MYO1E: variants seen among roughly 807,000 people sequenced by gnomAD.
MYO1E encodes unconventional myosin-Ie.
MYO1E carries 68 observed loss-of-function variants against 151.1 expected under a neutral mutation model. The ratio of observed to expected loss-of-function variants is 0.45; its 90% CI spans 0.37 to 0.55. The LOEUF (loss-of-function observed/expected upper bound fraction) is 0.55, where lower values mean the gene tolerates loss of function less well. MYO1E is among the 20% of genes least tolerant of loss of function. The pLI is 0.00. For synonymous variants in MYO1E, 601 were observed against 501.7 expected (o/e 1.20, Z -2.64); for missense variants, 1,363 against 1,389.3 (o/e 0.98, Z 0.30).
intron 1 of MYO1E, among the ~76,000 whole-genome samples, chr15:59,277,025 A>ATCTTCAAATG (rs1330725547): frequency 1.3e-5 from 2 of 152,174 alleles, no homozygotes; most frequent in African/African-American, 4.8e-5. Flanking sequence ...GGTAACCACT[A>ATCTTCAAATG]TCTTCAAATG....
At chr15:59,288,157 C>CT (rs1485191608) in intron 1 of MYO1E, among the ~76,000 whole-genome samples, 1 of 152,144 alleles carries the variant, frequency 6.6e-6, no homozygotes, top group African/African-American at 2.4e-5. Context: ...AATTCTATTA[C>CT]TTTTTTTAAA....
chr15:59,156,295 G>A (rs1015471576), intron 25 of MYO1E, among the ~76,000 whole-genome samples: 1 of 152,072 alleles, frequency 6.6e-6, no homozygotes, highest in Non-Finnish European at 1.5e-5. Flanking sequence ...AGCAATTCTC[G>A]TGCCTCATCC....
At chr15:59,295,631 G>C (rs1351624182) in intron 1 of MYO1E, among the ~76,000 whole-genome samples, 1 of 152,134 alleles carries the variant, frequency 6.6e-6, no homozygotes, top group East Asian at 1.9e-4. Context: ...CCTCGCATTT[G>C]CTCCCAGTGT....
intron 26 of MYO1E, among the ~76,000 whole-genome samples, chr15:59,148,823 T>C (rs2079457138): frequency 6.6e-6 from 1 of 152,192 alleles, no homozygotes; most frequent in African/African-American, 2.4e-5. Flanking sequence ...TTCCAACTTC[T>C]AGTTGGATTA....
At position 59,164,511 on chromosome 15, in the gene MYO1E, T is replaced by C. The variant is rs376380851; in HGVS notation, c.2481-1208A>G. ...CTGCTCTCAGAGCACCTGGTGTCAC[T>C]GCACCAGTGGGATTACTGTGGCTGT... is the stretch of plus-strand genomic sequence containing the variant. On this transcript the variant is annotated intron_variant, in intron 22 of 27. Coordinates refer to ENST00000288235, the MANE Select transcript of MYO1E (RefSeq NM_004998.4). 6.6e-5 allele frequency among the ~76,000 whole-genome samples: 10 copies of C among 152,314 alleles called. No individual in the cohort carries two copies. The East Asian group carries it at 1.9e-3, about 29-fold the overall frequency.
At chr15:59,165,606 G>T (rs530691341) in intron 22 of MYO1E, among the ~76,000 whole-genome samples, 1 of 152,302 alleles carries the variant, frequency 6.6e-6, no homozygotes, top group South Asian at 2.1e-4. Flanking sequence ...AGGCAATTCA[G>T]GGCCAACGTG....
chr15:59,138,742 C>T (rs1216943577), intron 26 of MYO1E, among the ~76,000 whole-genome samples: 1 of 152,184 alleles, frequency 6.6e-6, no homozygotes, highest in Non-Finnish European at 1.5e-5. Context: ...GCAGGTGCCA[C>T]AGAAGCCTGT....
chr15:59,227,935 C>G (rs1320503423), intron 6 of MYO1E, among the ~76,000 whole-genome samples: 1 of 152,188 alleles, frequency 6.6e-6, no homozygotes, highest in East Asian at 1.9e-4. Flanking sequence ...AGAGGAAGAG[C>G]ACTCTTGCTC....
chr15:59,188,049 A>C, intron 18 of MYO1E, 69 bp downstream of exon 18: 1 of 1,184,476 alleles, frequency 8.4e-7, no homozygotes, highest in Non-Finnish European at 1.3e-6. Flanking sequence ...GAAGTGGGTG[A>C]ATTGTATAGA....
In MYO1E at chr15:59,350,689, C is replaced by G. The variant is rs938467509; in HGVS notation, c.3+21809G>C. 6.6e-6 allele frequency among the ~76,000 whole-genome samples: 1 copy of G among 152,192 alleles called. No homozygotes were observed. Among genetic ancestry groups the G allele is most frequent in the Non-Finnish European group, 1.5e-5 (1 of 68,036 alleles). ...TAAAGAAATGTAAATTATCTCTGAT[C>G]TCAAGAGGCTTACAGTCTACTTGGG... On this transcript the variant is annotated intron_variant, in intron 1 of 27. Coordinates refer to ENST00000288235, the MANE Select transcript of MYO1E (RefSeq NM_004998.4). This position sits in a 1 kb window ranked among gnomAD's most constrained non-coding sequence, Gnocchi z 5.0.
intron 1 of MYO1E, among the ~76,000 whole-genome samples, chr15:59,331,880 A>C (rs930728569): frequency 2.0e-5 from 3 of 152,200 alleles, no homozygotes; most frequent in Non-Finnish European, 4.4e-5. Context: ...ATTTCACTGC[A>C]TGCAGCTCTC....
At chr15:59,256,682 C>T (rs904039820) in intron 3 of MYO1E, among the ~76,000 whole-genome samples, 10 of 152,098 alleles carry the variant, frequency 6.6e-5, no homozygotes, top group Non-Finnish European at 1.0e-4. Flanking sequence ...ACTCCAACAC[C>T]CCACCCTTCC....
At position 59,162,841 on chromosome 15, in the gene MYO1E, C is replaced by G. The variant is rs184546584; in HGVS notation, c.2627+316G>C. The stretch of plus-strand genomic sequence containing the variant: ...GTGTGATTCTACTCCTGTCTGCTCT[C>G]CTAAATTAAAAAAACCCTTTTTTGG... On this transcript the variant is annotated intron_variant, in intron 23 of 27. Transcript: ENST00000288235. Among the ~76,000 whole-genome samples the G allele has an allele frequency of 1.5e-3, 229 of 152,168 alleles. 3 individuals carry two copies. The highest frequency in any genetic ancestry group is 1.6e-4 in the Non-Finnish European group (11 of 68,012).
chr15:59,196,338 T>G (rs1294590287), intron 16 of MYO1E, among the ~76,000 whole-genome samples: 1 of 152,162 alleles, frequency 6.6e-6, no homozygotes. Flanking sequence ...TATGAAGTAT[T>G]TTAAACCCTG....
At chr15:59,340,588 C>A (rs2080759272) in intron 1 of MYO1E, among the ~76,000 whole-genome samples, 1 of 152,146 alleles carries the variant, frequency 6.6e-6, no homozygotes, top group African/African-American at 2.4e-5. Flanking sequence ...TTACAATTGC[C>A]TTTGCAAATA....
At chr15:59,313,106 G>A (rs1487789861) in intron 1 of MYO1E, among the ~76,000 whole-genome samples, 1 of 152,200 alleles carries the variant, frequency 6.6e-6, no homozygotes, top group African/African-American at 2.4e-5. Flanking sequence ...TGCTGGCTAA[G>A]GCTTTTGAGA....
chr15:59,307,040 G>T (rs138744220), intron 1 of MYO1E, among the ~76,000 whole-genome samples: 1 of 152,232 alleles, frequency 6.6e-6, no homozygotes, highest in African/African-American at 2.4e-5. Flanking sequence ...CAAGCATATA[G>T]AAAGAGGCAC....
intron 14 of MYO1E, chr15:59,206,958 T>A (rs763098764): frequency 6.2e-7 from 1 of 1,613,768 alleles, no homozygotes; most frequent in Non-Finnish European, 8.5e-7. Flanking sequence ...GGACTGTGCC[T>A]GTTGTGCGGG....
chr15:59,331,998 C>T (rs575083763), intron 1 of MYO1E, among the ~76,000 whole-genome samples: 3 of 152,308 alleles, frequency 2.0e-5, no homozygotes, highest in South Asian at 4.1e-4. Flanking sequence ...TGAAGCCCAA[C>T]GGCTCTCTTC....
Sources: gnomAD v4.1 joint callset for allele counts (sites outside exome capture counted in the v4.1 genomes callset) on GRCh38, gnomAD v4.1.1 for gene constraint, Gnocchi (gnomAD v3.1) non-coding constraint, MANE v1.5 for transcripts, NCBI Gene and HGNC (gene_info 2026-07-23, HGNC 2026-07-21) for gene names.